Variants in UBE2Q2 observed in about 807,000 individuals in gnomAD.
UBE2Q2 encodes the protein ubiquitin-conjugating enzyme E2 Q2.
Under a neutral mutation model 59.9 loss-of-function variants are expected in UBE2Q2, and 54 were observed. The ratio of observed to expected loss-of-function variants is 0.90; its 90% confidence interval spans 0.72 to 1.13. UBE2Q2 has a LOEUF of 1.13. Ranked by LOEUF, UBE2Q2 falls within the 50% of genes most tolerant of loss-of-function variation. UBE2Q2 has a pLI of 0.00. For missense variants in UBE2Q2, 433 were observed against 441.9 expected, an observed-to-expected ratio of 0.98 and a Z score of 0.18; for synonymous variants, 165 against 155.2, an observed-to-expected ratio of 1.06 and a Z score of -0.47.
intron 3 of UBE2Q2, 134 bp from the exon 4 acceptor site, chr15:75,868,817 T>G (rs1487403443): frequency 3.2e-6 from 2 of 619,976 alleles, no homozygotes; most frequent in African/African-American, 3.7e-5. Context: ...GATAAACATT[T>G]TAATTTTAAT....
At chr15:75,892,840 A>C (rs1899178548) in intron 11 of UBE2Q2, among the ~76,000 whole-genome samples, 1 of 152,238 alleles carries the variant, frequency 6.6e-6, no homozygotes, top group Non-Finnish European at 1.5e-5. Flanking sequence ...TGCGCACTCC[A>C]GCCTTGGTGA....
chr15:75,855,122 A>C (rs1282171729), intron 2 of UBE2Q2, among the ~76,000 whole-genome samples: 1 of 152,190 alleles, frequency 6.6e-6, no homozygotes, highest in African/African-American at 2.4e-5. Flanking sequence ...TTCCTTTGCT[A>C]GTAAAATACA....
Position 75,876,274 on chromosome 15 carries a change from A to G in UBE2Q2, c.673+3A>G. The G allele has an allele frequency of 6.2e-7, 1 of 1,610,986 alleles. No individual in the cohort carries two copies. Among genetic ancestry groups the G allele is most frequent in the East Asian group, 2.2e-5 (1 of 44,816 alleles). ...CAGATCACAGAGTTATAAAACAGGT[A>G]AGGATCTCTGGATCCCTGCTCTCTT... On this transcript the variant is annotated splice_donor_region_variant and intron_variant, in intron 6 of 12. Coordinates refer to ENST00000267938, the MANE Select transcript of UBE2Q2 (RefSeq NM_173469.4).
chr15:75,851,102 T>C (rs1014221319), intron 1 of UBE2Q2, among the ~76,000 whole-genome samples: 2 of 152,114 alleles, frequency 1.3e-5, no homozygotes, highest in Non-Finnish European at 2.9e-5. Context: ...GTGAATATTT[T>C]AATGGCCATT....
At chr15:75,884,000 A>G (rs1348863815) in intron 9 of UBE2Q2, among the ~76,000 whole-genome samples, 2 of 152,190 alleles carry the variant, frequency 1.3e-5, no homozygotes, top group African/African-American at 4.8e-5. Flanking sequence ...ACTTTTAGGG[A>G]TAATCATGGG....
At chr15:75,883,479 T>A in intron 9 of UBE2Q2, 55 bp downstream of exon 9, 1 of 1,413,192 alleles carries the variant, frequency 7.1e-7, no homozygotes, top group Non-Finnish European at 9.9e-7. Flanking sequence ...AAAAATTTTT[T>A]TTTATAGGGA....
chr15:75,897,109 T>G (rs772370196), intron 12 of UBE2Q2, 48 bp downstream of exon 12: 1 of 1,187,986 alleles, frequency 8.4e-7, no homozygotes, highest in African/African-American at 1.6e-5. Context: ...AAGTTTTAGA[T>G]AATGTATTAA....
chr15:75,891,519 CCT>C, intron 11 of UBE2Q2, among the ~76,000 whole-genome samples: 1 of 149,280 alleles, frequency 6.7e-6, no homozygotes, highest in South Asian at 2.1e-4. Context: ...TTAACTCAAT[CCT>C]CTTAATAACT....
chr15:75,860,449 A>T (rs994010521), intron 3 of UBE2Q2, among the ~76,000 whole-genome samples: 5 of 149,506 alleles, frequency 3.3e-5, no homozygotes, highest in Admixed American at 2.7e-4. Flanking sequence ...TTACCTATTT[A>T]TTTTTTTTTT....
intron 9 of UBE2Q2, among the ~76,000 whole-genome samples, chr15:75,887,896 A>T (rs1898876491): frequency 6.6e-6 from 1 of 152,166 alleles, no homozygotes; most frequent in Non-Finnish European, 1.5e-5. Context: ...TTAAGTGAGG[A>T]GGAGGAATTA....
rs759708761 is a variant in UBE2Q2 at position 75,897,598 on chromosome 15, CT to C, written c.1096+552del. 4.1e-3 allele frequency among the ~76,000 whole-genome samples: 550 copies of C among 135,178 alleles called. 2 individuals carry two copies. The highest frequency in any genetic ancestry group is 3.9e-3 in the Admixed American group (53 of 13,422). The allele number at this position is 135,178 out of a possible 152,430, so 88.7% of individuals were successfully genotyped here. A position where few individuals can be genotyped will look rare whatever the true frequency, so the allele number is the denominator to read the frequency against. On this transcript the variant is annotated intron_variant, in intron 12 of 12. Coordinates refer to ENST00000267938, the MANE Select transcript of UBE2Q2 (RefSeq NM_173469.4). ...TATCTCAGAGTCAGAATCAAGATTTCTTTTTTTTTTTTTTTAGTAGATTAAT... is the reference window on the plus strand; with the variant it reads ...TATCTCAGAGTCAGAATCAAGATTTCTTTTTTTTTTTTTTAGTAGATTAAT...
rs745918753 is a variant in UBE2Q2 at position 75,899,401 on chromosome 15, AC to A, written c.1097-25del. 6.0e-6 allele frequency: 9 copies of A among 1,499,290 alleles called. No individual in the cohort carries two copies. The South Asian group carries it at 8.7e-5, about 15-fold the overall frequency. 92.9% of individuals were successfully genotyped at this position (1,499,290 alleles called of 1,614,324 possible). A position where few individuals can be genotyped will look rare whatever the true frequency, so the allele number is the denominator to read the frequency against. On this transcript the variant is annotated intron_variant, in intron 12 of 12. Coordinates refer to ENST00000267938, the MANE Select transcript of UBE2Q2 (RefSeq NM_173469.4). ...TCTAATTTATTTAAGAATTATTTTA[AC>A]TTTTTTTTTTTCATTCTATTTCAGG...
chr15:75,880,364 C>T (rs748789639), intron 8 of UBE2Q2, among the ~76,000 whole-genome samples: 20 of 152,064 alleles, frequency 1.3e-4, no homozygotes, highest in Non-Finnish European at 1.8e-4. Flanking sequence ...CTGCCTGCCT[C>T]GGCCTCCCAA....
At chr15:75,865,896 A>C (rs1024106178) in intron 3 of UBE2Q2, among the ~76,000 whole-genome samples, 1 of 152,020 alleles carries the variant, frequency 6.6e-6, no homozygotes, top group African/African-American at 2.4e-5. Flanking sequence ...TTCAACAAAT[A>C]TCTGACTCTG....
intron 4 of UBE2Q2, among the ~76,000 whole-genome samples, chr15:75,872,327 A>G (rs564719994): frequency 2.0e-5 from 3 of 151,964 alleles, no homozygotes; most frequent in African/African-American, 7.2e-5. Flanking sequence ...GCTTGGGGAA[A>G]AAAAAAAAGC....
At chr15:75,872,459 C>T (rs181397653) in intron 4 of UBE2Q2, among the ~76,000 whole-genome samples, 3 of 150,242 alleles carry the variant, frequency 2.0e-5, no homozygotes, top group African/African-American at 7.3e-5. Context: ...ACAGATAGTA[C>T]GGGAAAGAAG....
chr15:75,860,024 G>A (rs1472971311), intron 3 of UBE2Q2, 42 bp downstream of exon 3: 1 of 1,402,590 alleles, frequency 7.1e-7, no homozygotes, highest in East Asian at 2.4e-5. Flanking sequence ...TAAATAAATT[G>A]TCTCAAGCAA....
rs762841540 is a variant in UBE2Q2, at chr15:75,890,967, G to A, written c.982G>A (p.Ala328Thr). ...SIESVIMQIN[A>T]TLVKGKARVQ... ...AGAATCGGTCATCATGCAAATAAAT[G>A]CCACCTTAGTCAAAGGCAAAGCCAG... The change falls in exon 11 of 13, where the codon GCC (alanine) becomes ACC (threonine). Residue 328 changes from alanine to threonine, a missense_variant. Transcript: ENST00000267938. The A allele has an allele frequency of 6.2e-7, 1 of 1,612,394 alleles. No homozygotes were observed. Among genetic ancestry groups the A allele is most frequent in the Admixed American group, 1.7e-5 (1 of 60,022 alleles).
At chr15:75,880,219 T>C (rs1481842539) in intron 8 of UBE2Q2, among the ~76,000 whole-genome samples, 1 of 151,762 alleles carries the variant, frequency 6.6e-6, no homozygotes, top group Non-Finnish European at 1.5e-5. Context: ...TTCAAGTGAT[T>C]CTCCTGCCTC....
Sources: gnomAD v4.1 joint callset for allele counts (sites outside exome capture counted in the v4.1 genomes callset) on GRCh38, gnomAD v4.1.1 for gene constraint, MANE v1.5 for transcripts, NCBI Gene and HGNC (gene_info 2026-07-23, HGNC 2026-07-21) for gene names.